DIP2B: variants seen among roughly 807,000 people sequenced by gnomAD.
The protein encoded by DIP2B is disco-interacting protein 2 homolog B.
In DIP2B, 76 loss-of-function variants were observed where a neutral mutation model predicts 198.0. That is an observed-to-expected ratio of 0.38 (90% CI 0.32 to 0.46). The LOEUF is 0.46. Among genes scored for constraint, DIP2B ranks in the 20% least tolerant of loss-of-function variants. The probability of loss-of-function intolerance (pLI) is 0.99; values close to 1 mark genes in which losing one functional copy is unlikely to be tolerated. For synonymous variants in DIP2B, 701 were observed against 739.1 expected (o/e 0.95, Z 0.84); for missense variants, 1,559 against 1,978.4 (o/e 0.79, Z 4.02).
At chr12:50,741,584 C>T in intron 37 of DIP2B, 45 bp downstream of exon 37, 1 of 1,585,222 alleles carries the variant, frequency 6.3e-7, no homozygotes, top group South Asian at 1.2e-5. Context: ...CAGCTTTAGT[C>T]ATAATCTCAA....
intron 1 of DIP2B, among the ~76,000 whole-genome samples, chr12:50,529,152 G>A (rs1958193330): frequency 6.6e-6 from 1 of 152,138 alleles, no homozygotes; most frequent in South Asian, 2.1e-4. Context: ...GTGGTGGCAT[G>A]CGCCTGTAGT....
At chr12:50,673,166 A>G (rs1422468922) in intron 5 of DIP2B, among the ~76,000 whole-genome samples, 1 of 152,238 alleles carries the variant, frequency 6.6e-6, no homozygotes, top group Non-Finnish European at 1.5e-5. Context: ...ACAGAAAGGT[A>G]TACCGGAATA....
In DIP2B at chr12:50,671,320, G is replaced by A. The variant is rs772742594; in HGVS notation, c.562G>A (p.Ala188Thr). ...TCAGGGATCGTCCACTTCTTCATCC[G>A]CATCTTCTACGCTGTCCCACGGAGA... ...SIQGSSTSSSASSTLSHGEVK... is the reference protein window; with the variant it reads ...SIQGSSTSSSTSSTLSHGEVK... Residue 188 changes from alanine to threonine, a missense_variant, in exon 5 of 38, where the codon GCA (alanine) becomes ACA (threonine). Transcript: ENST00000301180. 7 of 1,614,094 alleles carry A rather than the reference G, an allele frequency of 4.3e-6. No homozygotes were observed. Among genetic ancestry groups the A allele is most frequent in the South Asian group, 2.2e-5 (2 of 91,076 alleles).
intron 28 of DIP2B, among the ~76,000 whole-genome samples, chr12:50,725,767 G>A (rs1467204790): frequency 6.6e-6 from 1 of 152,006 alleles, no homozygotes; most frequent in Non-Finnish European, 1.5e-5. Context: ...GAAAACTGAG[G>A]GAAGTTAAAT....
At chr12:50,710,793 G>A (rs528347386) in intron 22 of DIP2B, among the ~76,000 whole-genome samples, 1 of 152,258 alleles carries the variant, frequency 6.6e-6, no homozygotes, top group Middle Eastern at 3.4e-3. Context: ...CTGATACTGT[G>A]TAGGCTATTT....
intron 1 of DIP2B, among the ~76,000 whole-genome samples, chr12:50,552,802 T>A (rs1333515341): frequency 6.6e-6 from 1 of 152,132 alleles, no homozygotes; most frequent in Non-Finnish European, 1.5e-5. Context: ...AAACGTTTTT[T>A]AAATTTTTTA....
At chr12:50,622,312 A>AT (rs1032472686) in intron 1 of DIP2B, among the ~76,000 whole-genome samples, 2 of 152,160 alleles carry the variant, frequency 1.3e-5, no homozygotes, top group African/African-American at 2.4e-5. Flanking sequence ...TTAATTAATT[A>AT]TTTTTTAACA....
At chr12:50,531,600 G>A (rs1247225641) in intron 1 of DIP2B, among the ~76,000 whole-genome samples, 2 of 152,274 alleles carry the variant, frequency 1.3e-5, no homozygotes, top group African/African-American at 4.8e-5. Flanking sequence ...TTTTAGTAGG[G>A]TTTAGGGACA....
intron 1 of DIP2B, among the ~76,000 whole-genome samples, chr12:50,586,730 G>T (rs898987983): frequency 7.2e-5 from 11 of 151,954 alleles, no homozygotes; most frequent in African/African-American, 2.7e-4. Context: ...ATGCCACCAC[G>T]CCCAGCTAAT....
intron 1 of DIP2B, among the ~76,000 whole-genome samples, chr12:50,573,716 C>A (rs80069887): frequency 1.3e-5 from 2 of 152,152 alleles, no homozygotes; most frequent in African/African-American, 2.4e-5. Flanking sequence ...ATGGTTAGTC[C>A]AATTTTGTTT....
intron 1 of DIP2B, among the ~76,000 whole-genome samples, chr12:50,539,270 G>A (rs1217301598): frequency 2.1e-5 from 3 of 144,518 alleles, no homozygotes; most frequent in South Asian, 2.2e-4. Context: ...TTGCTCTGTC[G>A]CCTAGGCTGG....
chr12:50,563,374 G>A (rs939648396), intron 1 of DIP2B, among the ~76,000 whole-genome samples: 1 of 151,664 alleles, frequency 6.6e-6, no homozygotes, highest in Non-Finnish European at 1.5e-5. Flanking sequence ...TTTTGTAGAG[G>A]CTGGATTTTG....
chr12:50,563,206 A>G (rs1958534539), intron 1 of DIP2B, among the ~76,000 whole-genome samples: 1 of 152,044 alleles, frequency 6.6e-6, no homozygotes, highest in Non-Finnish European at 1.5e-5. Flanking sequence ...TCTTCTTCTG[A>G]GATATGGTCT....
intron 1 of DIP2B, among the ~76,000 whole-genome samples, chr12:50,537,661 G>A (rs1270521087): frequency 6.6e-6 from 1 of 152,076 alleles, no homozygotes; most frequent in Non-Finnish European, 1.5e-5. Flanking sequence ...TGATTCATCA[G>A]GTGAATCAGA....
At chr12:50,725,452 A>G (rs1315227823) in intron 28 of DIP2B, among the ~76,000 whole-genome samples, 1 of 152,244 alleles carries the variant, frequency 6.6e-6, no homozygotes, top group African/African-American at 2.4e-5. Flanking sequence ...GTATTAAAGA[A>G]GGGGATAAGA....
chr12:50,560,403 A>C (rs1958508942), intron 1 of DIP2B, among the ~76,000 whole-genome samples: 1 of 151,160 alleles, frequency 6.6e-6, no homozygotes, highest in Non-Finnish European at 1.5e-5. Context: ...CTCCAAAAAA[A>C]AAAAAAGCAA....
chr12:50,740,051 C>A (rs937538183), intron 36 of DIP2B, among the ~76,000 whole-genome samples: 4 of 152,188 alleles, frequency 2.6e-5, no homozygotes, highest in African/African-American at 4.8e-5. Context: ...TGCTTCCTGG[C>A]CAGGCCTCTG....
chr12:50,725,341 C>T (rs1422172493), intron 28 of DIP2B, among the ~76,000 whole-genome samples: 1 of 152,054 alleles, frequency 6.6e-6, no homozygotes, highest in South Asian at 2.1e-4. Flanking sequence ...TACTGCCTAC[C>T]CCTGCCTGAC....
intron 22 of DIP2B, among the ~76,000 whole-genome samples, chr12:50,713,470 C>T (rs1370106007): frequency 1.3e-5 from 2 of 152,220 alleles, no homozygotes; most frequent in African/African-American, 4.8e-5. Context: ...ACAACAAGAA[C>T]AGCTGTCAAA....
Sources: allele counts gnomAD v4.1 joint callset (sites outside exome capture counted in the v4.1 genomes callset), GRCh38; gene constraint gnomAD v4.1.1; transcripts MANE v1.5; gene names NCBI Gene and HGNC (gene_info 2026-07-23, HGNC 2026-07-21).